Variants in POLR3B observed in about 807,000 individuals in gnomAD.
POLR3B encodes RNA polymerase III subunit B.
POLR3B carries 96 observed loss-of-function variants against 147.4 expected under a neutral mutation model. That is an observed-to-expected ratio of 0.65 (90% CI 0.55 to 0.77). The LOEUF is 0.77. Among genes scored for constraint, POLR3B ranks in the 30% least tolerant of loss-of-function variants. The pLI is 0.00. For synonymous variants in POLR3B, 461 were observed against 485.9 expected, an observed-to-expected ratio of 0.95 and a Z score of 0.67; for missense variants, 1,036 against 1,413.5, an observed-to-expected ratio of 0.73 and a Z score of 4.28.
Position 106,363,912 on chromosome 12 carries a change from T to A in POLR3B, c.105+10T>A, listed in dbSNP as rs865872026. 1.0e-5 allele frequency: 16 copies of A among 1,580,734 alleles called. 1 individual carries two copies. The highest frequency in any genetic ancestry group is 3.4e-4 in the Middle Eastern group (2 of 5,954). On this transcript the variant is annotated intron_variant, in intron 2 of 27. Coordinates refer to ENST00000228347, the MANE Select transcript of POLR3B (RefSeq NM_018082.6). ...TCCAGCATTTTTAAAGGTAATTGTTTCACATTTAATAATAATTGGTTATTT... is the reference window on the plus strand; with the variant it reads ...TCCAGCATTTTTAAAGGTAATTGTTACACATTTAATAATAATTGGTTATTT...
At chr12:106,444,154 T>C (rs2037691594) in intron 18 of POLR3B, among the ~76,000 whole-genome samples, 1 of 152,152 alleles carries the variant, frequency 6.6e-6, no homozygotes, top group Admixed American at 6.6e-5. Context: ...TATTCCACTC[T>C]TAAATGGTGA....
chr12:106,395,044 A>T (rs2036962023), intron 10 of POLR3B, among the ~76,000 whole-genome samples: 1 of 152,210 alleles, frequency 6.6e-6, no homozygotes, highest in East Asian at 1.9e-4. Flanking sequence ...AGCCTGGACC[A>T]CATGATAAGA....
Position 106,369,315 on chromosome 12 carries a change from A to G in POLR3B, c.268A>G (p.Ser90Gly), listed in dbSNP as rs1418872148. The G allele has an allele frequency of 6.2e-7, 1 of 1,602,070 alleles. No homozygotes were observed. The highest frequency in any genetic ancestry group is 1.1e-5 in the South Asian group (1 of 90,832). The change falls in exon 5 of 28, where the codon AGC becomes GGC. Residue 90 changes from serine to glycine, a missense_variant. Around this residue, in one of 12 missense-constraint regions of POLR3B, gnomAD observed 150 missense variants for 145.5 expected, o/e 1.03. Coordinates refer to ENST00000228347, the MANE Select transcript of POLR3B (RefSeq NM_018082.6). Reference protein sequence around the residue: ...IYVGLPDVEESFNVTRPVSPH... With the variant: ...IYVGLPDVEEGFNVTRPVSPH... ...TGTTGGGCTTCCTGATGTTGAAGAA[A>G]GCTTCAATGTAACTAGACCAGTGTC...
At chr12:106,451,932 C>T (rs1038198755) in intron 19 of POLR3B, among the ~76,000 whole-genome samples, 3 of 152,022 alleles carry the variant, frequency 2.0e-5, no homozygotes, top group African/African-American at 4.8e-5. Flanking sequence ...CATTGGAGAC[C>T]ATAGTACAGC....
intron 9 of POLR3B, 134 bp downstream of exon 9, chr12:106,380,273 G>A: frequency 3.0e-6 from 2 of 672,274 alleles, no homozygotes; most frequent in East Asian, 2.8e-5. Context: ...GTCATATGAT[G>A]TATTTTAAAT....
At chr12:106,396,579 A>G (rs997575627) in intron 10 of POLR3B, among the ~76,000 whole-genome samples, 5 of 152,238 alleles carry the variant, frequency 3.3e-5, no homozygotes, top group African/African-American at 9.6e-5. Context: ...TGTGATATGA[A>G]CAAGAATTAA....
chr12:106,357,846 G>A lies in POLR3B; in HGVS notation c.-34G>A. ...TTGGTGCAGGGAAGGCGGGCGCGGA[G>A]GTTCTATCTGTTTCTTCCTCCTTCG... On this transcript the variant is annotated 5_prime_UTR_variant, in exon 1 of 28. Coordinates refer to ENST00000228347, the MANE Select transcript of POLR3B (RefSeq NM_018082.6). 1.9e-6 allele frequency: 3 copies of A among 1,606,104 alleles called. No individual in the cohort carries two copies. The highest frequency in any genetic ancestry group is 2.6e-6 in the Non-Finnish European group (3 of 1,175,766).
In POLR3B at chr12:106,393,142, A is replaced by T. The variant is rs368961144; in HGVS notation, c.835A>T (p.Thr279Ser). The change falls in exon 10 of 28, where the codon ACA becomes TCA. Residue 279 changes from threonine to serine, a missense_variant. Coordinates refer to ENST00000228347, the MANE Select transcript of POLR3B (RefSeq NM_018082.6). ...LEECQKAQIF[T>S]QMQALKYIGN... is the part of the protein sequence containing the mutation. ...AGAGTGCCAGAAAGCTCAGATTTTCACACAGATGCAGGTGTGTCTTTTCAT... is the reference window on the plus strand; with the variant it reads ...AGAGTGCCAGAAAGCTCAGATTTTCTCACAGATGCAGGTGTGTCTTTTCAT... The T allele has an allele frequency of 1.2e-6, 2 of 1,614,208 alleles. No homozygotes were observed. The highest frequency in any genetic ancestry group is 1.7e-6 in the Non-Finnish European group (2 of 1,180,020).
intron 23 of POLR3B, among the ~76,000 whole-genome samples, chr12:106,493,728 G>T (rs76047849): frequency 1.3e-5 from 2 of 152,170 alleles, no homozygotes; most frequent in Non-Finnish European, 2.9e-5. Flanking sequence ...CCATTGTTCC[G>T]CAAGTCAGCA....
chr12:106,369,645 C>A lies in POLR3B; in HGVS notation c.366C>A (p.Gly122=). ...CAGTGGATATTGAATATACCCGAGG[C>A]AGCCAGAGGATCATCCGCAATGCCT... ...PITVDIEYTR[G]SQRIIRNALP... The change falls in exon 6 of 28, where the codon GGC becomes GGA. Residue 122 remains glycine, a synonymous_variant. Coordinates refer to ENST00000228347, the MANE Select transcript of POLR3B (RefSeq NM_018082.6). 2 of 1,613,098 alleles carry A rather than the reference C, an allele frequency of 1.2e-6. No homozygotes were observed. The highest frequency in any genetic ancestry group is 1.7e-6 in the Non-Finnish European group (2 of 1,179,158).
intron 12 of POLR3B, among the ~76,000 whole-genome samples, chr12:106,424,712 A>G (rs1379329313): frequency 2.6e-5 from 4 of 152,146 alleles, no homozygotes; most frequent in South Asian, 2.1e-4. Flanking sequence ...GAGTATTATT[A>G]TAAACTTAGG....
chr12:106,406,148 C>T (rs2037148261), intron 11 of POLR3B, among the ~76,000 whole-genome samples, 172 bp downstream of exon 11: 1 of 152,148 alleles, frequency 6.6e-6, no homozygotes. Context: ...TTTGTTTATA[C>T]TCGGAGAATG....
intron 12 of POLR3B, among the ~76,000 whole-genome samples, chr12:106,418,685 G>A (rs1593030348): frequency 6.6e-6 from 1 of 152,176 alleles, no homozygotes; most frequent in East Asian, 1.9e-4. Context: ...TAAACAGGCT[G>A]AAAGGCCTTG....
At chr12:106,380,935 G>A (rs1427723646) in intron 9 of POLR3B, among the ~76,000 whole-genome samples, 2 of 152,236 alleles carry the variant, frequency 1.3e-5, no homozygotes, top group African/African-American at 4.8e-5. Flanking sequence ...ACACAAATAT[G>A]TTAGTTTCCC....
intron 10 of POLR3B, among the ~76,000 whole-genome samples, chr12:106,398,834 C>T (rs984834473): frequency 2.6e-5 from 4 of 152,112 alleles, no homozygotes; most frequent in African/African-American, 9.7e-5. Context: ...CCCATCTGTA[C>T]GTCACCATCA....
At chr12:106,424,045 T>C (rs909304357) in intron 12 of POLR3B, among the ~76,000 whole-genome samples, 8 of 151,950 alleles carry the variant, frequency 5.3e-5, no homozygotes, top group Non-Finnish European at 1.2e-4. Context: ...TTAGTAGAGA[T>C]GGGGTTTCAC....
rs371340745 is a variant in POLR3B at position 106,486,713 on chromosome 12, TC to T, written c.2714-9340del. On this transcript the variant is annotated intron_variant, in intron 23 of 27. Transcript: ENST00000228347. Reference sequence around the variant, plus strand: ...GCCAAAGCCCCATATTAAGATGTACTCCTAAAATAAAGCTGTATTTTCTGGT... The same window carrying T: ...GCCAAAGCCCCATATTAAGATGTACTCTAAAATAAAGCTGTATTTTCTGGT... Among the ~76,000 whole-genome samples, 646 of 152,316 alleles carry T rather than the reference TC, an allele frequency of 4.2e-3. 3 individuals are homozygous for T. Among genetic ancestry groups the T allele is most frequent in the African/African-American group, 0.014 (575 of 41,562 alleles).
chr12:106,434,081 A>T (rs1267869792), intron 16 of POLR3B, among the ~76,000 whole-genome samples: 1 of 152,222 alleles, frequency 6.6e-6, no homozygotes, highest in Non-Finnish European at 1.5e-5. Context: ...CAGAGAGCTC[A>T]GTCTGCCGGG....
chr12:106,509,630 C>T lies in POLR3B; in HGVS notation c.*81C>T. 4.7e-6 allele frequency: 6 copies of T among 1,289,118 alleles called. No individual in the cohort carries two copies. The highest frequency in any genetic ancestry group is 6.7e-6 in the Non-Finnish European group (6 of 901,210). 79.9% of individuals were successfully genotyped at this position (1,289,118 alleles called of 1,614,324 possible). A position where few individuals can be genotyped will look rare whatever the true frequency, so the allele number is the denominator to read the frequency against. On this transcript the variant is annotated 3_prime_UTR_variant, in exon 28 of 28. Coordinates refer to ENST00000228347, the MANE Select transcript of POLR3B (RefSeq NM_018082.6). ...GCAGAAGGGATTTAGGACTACGTCT[C>T]CTCCTGTGAAGAATTCCCTTGCGTA...
Sources: gnomAD v4.1 joint callset for allele counts (sites outside exome capture counted in the v4.1 genomes callset) on GRCh38, gnomAD v4.1.1 for gene constraint, gnomAD v4.1.1 regional missense constraint, MANE v1.5 for transcripts, NCBI Gene and HGNC (gene_info 2026-07-23, HGNC 2026-07-21) for gene names.